Variants in ASB2 observed in about 807,000 individuals in gnomAD.
The protein encoded by ASB2 is ankyrin repeat and SOCS box protein 2.
ASB2 carries 58 observed loss-of-function variants against 62.4 expected under a neutral mutation model. That is an observed-to-expected ratio of 0.93 (90% CI 0.75 to 1.16). The LOEUF (loss-of-function observed/expected upper bound fraction) is 1.16. Among genes scored for constraint, ASB2 ranks in the 50% most tolerant of loss-of-function variants. The probability of loss-of-function intolerance (pLI) is 0.00; values close to 1 mark genes in which losing one functional copy is unlikely to be tolerated. For missense variants in ASB2, 928 were observed against 887.9 expected (o/e 1.05, Z -0.57); for synonymous variants, 386 against 385.3 (o/e 1.00, Z -0.02).
At chr14:93,972,382 C>T (rs887180047) in intron 1 of ASB2, among the ~76,000 whole-genome samples, 8 of 152,140 alleles carry the variant, frequency 5.3e-5, no homozygotes, top group African/African-American at 9.7e-5. Context: ...CTTCCCTTCC[C>T]GGGTCCTGTT....
intron 2 of ASB2, among the ~76,000 whole-genome samples, chr14:93,959,617 C>G (rs1889340674): frequency 6.6e-6 from 1 of 152,148 alleles, no homozygotes; most frequent in Non-Finnish European, 1.5e-5. Flanking sequence ...CCTGGAAGAG[C>G]CCCAGGTAGG....
chr14:93,939,220 C>A lies in ASB2; in HGVS notation c.1505G>T (p.Gly502Val). Residue 502 changes from glycine (G) to valine (V), a missense_variant, in exon 8 of 10, where the codon GGC becomes GTC. By Grantham distance (109) the Gly-to-Val change is moderately radical. Transcript: ENST00000555019. ...GTAGAGGCATGAGAAGCAGGGCTCGCCGTCGCAGCCCAGGTCCATGAGGAA... is the reference window on the plus strand; with the variant it reads ...GTAGAGGCATGAGAAGCAGGGCTCGACGTCGCAGCCCAGGTCCATGAGGAA... ...LKFLMDLGCDGEPCFSCLYGN... is the reference protein window; with the variant it reads ...LKFLMDLGCDVEPCFSCLYGN... 1 of 1,607,524 alleles carries A rather than the reference C, an allele frequency of 6.2e-7. No individual in the cohort carries two copies. The highest frequency in any genetic ancestry group is 8.5e-7 in the Non-Finnish European group (1 of 1,175,640).
At chr14:93,941,917 T>A (rs533813841) in intron 7 of ASB2, among the ~76,000 whole-genome samples, 9 of 152,354 alleles carry the variant, frequency 5.9e-5, no homozygotes, top group African/African-American at 2.2e-4. Flanking sequence ...TGCGTCCAGC[T>A]TTCCCATTTT....
Position 93,964,514 on chromosome 14 carries a change from C to T in ASB2, c.26G>A (p.Gly9Asp), listed in dbSNP as rs1378685900. 60 of 1,536,002 alleles carry T rather than the reference C, an allele frequency of 3.9e-5. No homozygotes were observed. Among genetic ancestry groups the T allele is most frequent in the Non-Finnish European group, 5.0e-5 (57 of 1,146,916 alleles). Residue 9 changes from glycine to aspartate, a missense_variant, in exon 2 of 10, where the codon GGC becomes GAC. Transcript: ENST00000555019. MATQISTR[G>D]SQCTIGQEEY... ...CTCCTGCCCAATGGTACACTGGCTG[C>T]CCCGAGTGCTGATCTGCGTGGCCAT...
At chr14:93,960,049 C>T (rs1329918498) in intron 2 of ASB2, among the ~76,000 whole-genome samples, 2 of 152,102 alleles carry the variant, frequency 1.3e-5, no homozygotes, top group African/African-American at 4.8e-5. Context: ...ACACATGTGA[C>T]TCATTGAGCA....
chr14:93,955,141 T>A (rs1358278585), intron 3 of ASB2: 1 of 456,610 alleles, frequency 2.2e-6, no homozygotes, highest in Non-Finnish European at 4.4e-6. Flanking sequence ...AACCACGATG[T>A]CTATGCCTCT....
intron 1 of ASB2, among the ~76,000 whole-genome samples, chr14:93,970,624 T>A (rs1312400496): frequency 2.6e-5 from 4 of 152,158 alleles, no homozygotes; most frequent in African/African-American, 9.7e-5. Flanking sequence ...ATTGAATAAA[T>A]GCTGGACAGA....
intron 2 of ASB2, chr14:93,957,378 AGGG>A: frequency 9.8e-7 from 1 of 1,021,868 alleles, no homozygotes; most frequent in Non-Finnish European, 1.2e-6. Context: ...CCAGCTCATT[AGGG>A]GATCTTGTCC....
rs544644387 is a variant in ASB2, at chr14:93,959,990, G to A, written c.207-3120C>T. 1.2e-3 allele frequency among the ~76,000 whole-genome samples: 131 copies of A among 113,552 alleles called. 2 individuals carry two copies. The highest frequency in any genetic ancestry group is 5.2e-3 in the African/African-American group (115 of 21,990). 74.5% of individuals were successfully genotyped at this position (113,552 alleles called of 152,430 possible). ...CCACTGTGCCATGAGTCTACCCCACGCCCACCCCATGCCACGAGTCCACCC... is the reference window on the plus strand; with the variant it reads ...CCACTGTGCCATGAGTCTACCCCACACCCACCCCATGCCACGAGTCCACCC... On this transcript the variant is annotated intron_variant, in intron 2 of 9. Coordinates refer to ENST00000555019, the MANE Select transcript of ASB2 (RefSeq NM_001202429.2).
chr14:93,969,719 A>G (rs1042299093), intron 1 of ASB2, among the ~76,000 whole-genome samples: 1 of 152,166 alleles, frequency 6.6e-6, no homozygotes, highest in African/African-American at 2.4e-5. Context: ...GGGAGGGGCC[A>G]GTCCAAGGCC....
At chr14:93,961,171 A>T (rs139626401) in intron 2 of ASB2, among the ~76,000 whole-genome samples, 1,985 of 152,268 alleles carry the variant, frequency 0.013, 39 homozygotes, top group African/African-American at 0.045. Flanking sequence ...GGAAGGCTCC[A>T]ACGCCCACCT....
chr14:93,947,454 T>C lies in ASB2; in HGVS notation c.947A>G (p.His316Arg). 6.2e-7 allele frequency: 1 copy of C among 1,614,246 alleles called. No homozygotes were observed. The highest frequency in any genetic ancestry group is 8.5e-7 in the Non-Finnish European group (1 of 1,180,046). Reference protein sequence around the residue: ...SALYEACKNEHEEVVEFLLSQ... With the variant: ...SALYEACKNEREEVVEFLLSQ... The stretch of plus-strand genomic sequence containing the variant: ...CAGCAGAAACTCCACCACCTCCTCA[T>C]GCTCATTCTTGCAGGCCTCGTAGAG... The change falls in exon 7 of 10, where the codon CAT becomes CGT. Residue 316 changes from histidine (H) to arginine (R), a missense_variant. Physicochemically the swap from His to Arg is conservative, Grantham distance 29 (BLOSUM62 0). Coordinates refer to ENST00000555019, the MANE Select transcript of ASB2 (RefSeq NM_001202429.2).
intron 2 of ASB2, among the ~76,000 whole-genome samples, chr14:93,958,961 G>A (rs1026876792): frequency 1.3e-5 from 2 of 152,230 alleles, no homozygotes; most frequent in African/African-American, 4.8e-5. Flanking sequence ...CAGCAGCAAT[G>A]GTGGCCGGGA....
At chr14:93,941,884 G>A (rs1442628504) in intron 7 of ASB2, among the ~76,000 whole-genome samples, 2 of 152,256 alleles carry the variant, frequency 1.3e-5, no homozygotes, top group Non-Finnish European at 2.9e-5. Context: ...AATGTGTAAC[G>A]CCGGACAGGC....
Position 93,947,416 on chromosome 14 carries a change from C to T in ASB2, c.985G>A (p.Asp329Asn), listed in dbSNP as rs143150708. 39 of 1,614,200 alleles carry T rather than the reference C, an allele frequency of 2.4e-5. No individual in the cohort carries two copies. The highest frequency in any genetic ancestry group is 1.5e-4 in the African/African-American group (11 of 75,048). ...VVEFLLSQGA[D>N]ANKTNKDGLL... is the part of the protein sequence containing the mutation. Reference sequence around the variant, plus strand: ...CCGTCCTTGTTGGTCTTGTTGGCGTCGGCACCCTGTGACAGCAGAAACTCC... The same window carrying T: ...CCGTCCTTGTTGGTCTTGTTGGCGTTGGCACCCTGTGACAGCAGAAACTCC... The change falls in exon 7 of 10, where the codon GAC (aspartate) becomes AAC (asparagine). Residue 329 changes from aspartate to asparagine, a missense_variant. By Grantham distance (23) the Asp-to-Asn change is conservative. Coordinates refer to ENST00000555019, the MANE Select transcript of ASB2 (RefSeq NM_001202429.2).
At position 93,934,231 on chromosome 14, in the gene ASB2, C is replaced by T. The variant is rs766322917; in HGVS notation, c.*425G>A. On this transcript the variant is annotated 3_prime_UTR_variant, in exon 10 of 10. Transcript: ENST00000555019. ...CCTCCAAGACCCAGGCTCCCCCTAC[C>T]CCCTACCTTGGGCCACGTCTTCATC... 8.8e-6 allele frequency: 4 copies of T among 457,064 alleles called. No homozygotes were observed. The highest frequency in any genetic ancestry group is 1.6e-5 in the South Asian group (1 of 64,494). 28.3% of individuals were successfully genotyped at this position (457,064 alleles called of 1,614,324 possible). A position where few individuals can be genotyped will look rare whatever the true frequency, so the allele number is the denominator to read the frequency against.
chr14:93,940,932 A>G (rs1888494432), intron 7 of ASB2, among the ~76,000 whole-genome samples: 1 of 152,202 alleles, frequency 6.6e-6, no homozygotes, highest in South Asian at 2.1e-4. Context: ...CCCCAAAGCT[A>G]CACTCTTAAC....
intron 2 of ASB2, among the ~76,000 whole-genome samples, chr14:93,962,128 T>A (rs1889428066): frequency 7.7e-6 from 1 of 130,140 alleles, no homozygotes; most frequent in South Asian, 2.6e-4. Context: ...TTTTTTTTTT[T>A]TTTTGAGATG....
chr14:93,975,010 G>A (rs1595339618), intron 1 of ASB2, among the ~76,000 whole-genome samples: 2 of 152,336 alleles, frequency 1.3e-5, no homozygotes, highest in Non-Finnish European at 2.9e-5. Context: ...CAGCTTCTTG[G>A]GGACGCTGTG....
Sources: gnomAD v4.1 joint callset for allele counts (sites outside exome capture counted in the v4.1 genomes callset) on GRCh38, gnomAD v4.1.1 for gene constraint, MANE v1.5 for transcripts, NCBI Gene and HGNC (gene_info 2026-07-23, HGNC 2026-07-21) for gene names.